The following R3HDM1 variants were observed in gnomAD, a reference collection of about 807,000 sequenced individuals.
R3HDM1 encodes the protein R3H domain-containing protein 1.
R3HDM1 carries 46 observed loss-of-function variants against 141.1 expected under a neutral mutation model. The observed-to-expected ratio is 0.33, with a 90% confidence interval of 0.26 to 0.42. The LOEUF (loss-of-function observed/expected upper bound fraction) is 0.42, where lower values mean the gene tolerates loss of function less well. R3HDM1 is among the 10% of genes least tolerant of loss of function. The probability of loss-of-function intolerance (pLI) is 1.00; values close to 1 mark genes in which losing one functional copy is unlikely to be tolerated. For synonymous variants in R3HDM1, 435 were observed against 472.9 expected (o/e 0.92, Z 1.04); for missense variants, 1,184 against 1,368.3 (o/e 0.87, Z 2.12).
At chr2:135,617,319 T>C (rs2061129349) in intron 5 of R3HDM1, among the ~76,000 whole-genome samples, 1 of 146,942 alleles carries the variant, frequency 6.8e-6, no homozygotes, top group Non-Finnish European at 1.5e-5. Flanking sequence ...AGAGCGAGAC[T>C]CCATCTCAAA....
chr2:135,670,398 A>C (rs2068162173), intron 19 of R3HDM1: 1 of 975,816 alleles, frequency 1.0e-6, no homozygotes, highest in South Asian at 4.8e-5. Context: ...AGTAAAGATC[A>C]GTTGAGTTGT....
intron 23 of R3HDM1, among the ~76,000 whole-genome samples, chr2:135,711,890 C>T (rs557548522): frequency 1.7e-3 from 238 of 144,014 alleles, no homozygotes; most frequent in African/African-American, 4.9e-3. Context: ...ACCCAGGAGG[C>T]AGAGGTTGCA....
rs1245448579 is a variant in R3HDM1 at position 135,675,551 on chromosome 2, A to G, written c.2307+65A>G. 4 of 1,452,814 alleles carry G rather than the reference A, an allele frequency of 2.8e-6. No homozygotes were observed. In the African/African-American group the frequency reaches 4.2e-5, roughly 15 times the overall value. The allele number at this position is 1,452,814 out of a possible 1,614,324, so 90.0% of individuals were successfully genotyped here. On this transcript the variant is annotated intron_variant, in intron 20 of 26. Coordinates refer to ENST00000683871, the MANE Select transcript of R3HDM1 (RefSeq NM_001378107.1). ...TCGAATAAATTAAGTGCACAACTACAATACATCTTCTATGCTCTCCTTTTA... is the reference window on the plus strand; with the variant it reads ...TCGAATAAATTAAGTGCACAACTACGATACATCTTCTATGCTCTCCTTTTA...
Position 135,716,664 on chromosome 2 carries a change from A to G in R3HDM1, c.2881+970A>G, listed in dbSNP as rs114059759. On this transcript the variant is annotated intron_variant, in intron 24 of 26. Transcript: ENST00000683871. ...ATCTAAAGAATCACTAAAAGGGGGC[A>G]ATATTCAGGCTAGGTGCGGTGGCTC... 9.7e-3 allele frequency among the ~76,000 whole-genome samples: 1,483 copies of G among 152,204 alleles called. 23 individuals carry two copies. The highest frequency in any genetic ancestry group is 0.034 in the African/African-American group (1,418 of 41,542).
chr2:135,573,905 G>A (rs1704741070), intron 1 of R3HDM1, among the ~76,000 whole-genome samples: 1 of 151,960 alleles, frequency 6.6e-6, no homozygotes, highest in African/African-American at 2.4e-5. Flanking sequence ...ATTTATAGCA[G>A]TAAACACATT....
rs1423634995 is a variant in R3HDM1, at chr2:135,619,713, GAC to G, written c.304-1777_304-1776del. On this transcript the variant is annotated intron_variant, in intron 5 of 26. Transcript: ENST00000683871. ...TACTAGTATCTAATCCTTGATGGTA[GAC>G]ACAGTTTCCAACTAATTTGCTTGAT... 8 of 963,406 alleles carry G rather than the reference GAC, an allele frequency of 8.3e-6. No individual in the cohort carries two copies. The African/African-American group carries it at 1.4e-4, about 17-fold the overall frequency. The allele number at this position is 963,406 out of a possible 1,614,324, so 59.7% of individuals were successfully genotyped here.
In R3HDM1 at chr2:135,621,491, C is replaced by T. The variant is rs748335759; in HGVS notation, c.304-3C>T. On this transcript the variant is annotated splice_polypyrimidine_tract_variant and splice_region_variant and intron_variant, in intron 5 of 26. Transcript: ENST00000683871. ...TTGAATAATTGACTTTGCCTTCCAA[C>T]AGGAGAAAATTCAGATCCAGTTAAC... 1 of 1,542,034 alleles carries T rather than the reference C, an allele frequency of 6.5e-7. No individual in the cohort carries two copies. Among genetic ancestry groups the T allele is most frequent in the Non-Finnish European group, 8.8e-7 (1 of 1,142,252 alleles).
intron 21 of R3HDM1, among the ~76,000 whole-genome samples, chr2:135,681,251 C>T (rs2070249395): frequency 6.6e-6 from 1 of 152,116 alleles, no homozygotes; most frequent in Non-Finnish European, 1.5e-5. Context: ...GTCCATTCTG[C>T]CTGCGTATAG....
intron 1 of R3HDM1, among the ~76,000 whole-genome samples, chr2:135,559,637 C>G (rs1208382729): frequency 6.6e-6 from 1 of 152,238 alleles, no homozygotes; most frequent in African/African-American, 2.4e-5. Context: ...CTTGGACCAT[C>G]TCATTTCCCT....
intron 1 of R3HDM1, among the ~76,000 whole-genome samples, chr2:135,599,254 C>T (rs2059430818): frequency 6.6e-6 from 1 of 152,024 alleles, no homozygotes; most frequent in Non-Finnish European, 1.5e-5. Flanking sequence ...TCTGACTTGT[C>T]CCTAATAAAT....
chr2:135,641,851 T>C, intron 15 of R3HDM1, 61 bp downstream of exon 15: 3 of 1,471,518 alleles, frequency 2.0e-6, no homozygotes, highest in Non-Finnish European at 2.7e-6. Context: ...ACTTATTAAA[T>C]GTATTTTCTG....
intron 1 of R3HDM1, among the ~76,000 whole-genome samples, chr2:135,549,433 T>G (rs1176460536): frequency 2.6e-5 from 4 of 151,840 alleles, no homozygotes; most frequent in Non-Finnish European, 5.9e-5. Flanking sequence ...TGGGTGCCTG[T>G]AATCCCAGCT....
rs1433210735 is a variant in R3HDM1 at position 135,556,107 on chromosome 2, A to T, written c.-250+24474A>T. 2.0e-5 allele frequency among the ~76,000 whole-genome samples: 3 copies of T among 152,200 alleles called. No homozygotes were observed. The East Asian group carries it at 5.8e-4, about 29-fold the overall frequency. On this transcript the variant is annotated intron_variant, in intron 1 of 26. Transcript: ENST00000683871. ...CCTTGAAAACATGCTAAGTAAAAGA[A>T]GACAGTTACAAAGGACCATGTACTG... is the stretch of plus-strand genomic sequence containing the variant.
At chr2:135,553,160 G>A (rs994075989) in intron 1 of R3HDM1, among the ~76,000 whole-genome samples, 6 of 152,038 alleles carry the variant, frequency 3.9e-5, no homozygotes, top group Non-Finnish European at 8.8e-5. Flanking sequence ...ATGAGGCACC[G>A]TGCCTGGCTC....
intron 6 of R3HDM1, chr2:135,622,056 A>T (rs1290969446): frequency 1.0e-6 from 1 of 984,450 alleles, no homozygotes; most frequent in African/African-American, 1.7e-5. Context: ...GATCAATAGA[A>T]ATGCTTTTTA....
intron 1 of R3HDM1, among the ~76,000 whole-genome samples, chr2:135,541,323 T>A (rs1236009334): frequency 6.6e-6 from 1 of 152,122 alleles, no homozygotes; most frequent in East Asian, 1.9e-4. Context: ...TTCTCCTGCC[T>A]CAGCCTCCTG....
intron 26 of R3HDM1, 126 bp from the exon 27 acceptor site, chr2:135,723,811 C>A (rs2076943969): frequency 3.6e-6 from 2 of 553,282 alleles, no homozygotes; most frequent in Admixed American, 3.5e-5. Context: ...AAAAAGATGG[C>A]CCTAACAGTT....
intron 23 of R3HDM1, among the ~76,000 whole-genome samples, chr2:135,715,069 G>A (rs1041712181): frequency 4.6e-5 from 7 of 152,170 alleles, no homozygotes; most frequent in African/African-American, 1.7e-4. Flanking sequence ...CAATCTGTTG[G>A]CCAGGTGCGA....
chr2:135,641,188 T>C (rs966550527), intron 14 of R3HDM1, among the ~76,000 whole-genome samples: 15 of 152,192 alleles, frequency 9.9e-5, no homozygotes, highest in Non-Finnish European at 1.9e-4. Context: ...GGGAAAATTA[T>C]CTATATATTC....
Sources: gnomAD v4.1 joint callset for allele counts (sites outside exome capture counted in the v4.1 genomes callset) on GRCh38, gnomAD v4.1.1 for gene constraint, MANE v1.5 for transcripts, NCBI Gene and HGNC (gene_info 2026-07-23, HGNC 2026-07-21) for gene names.